The following NCF2 variants were observed in gnomAD, a reference collection of about 807,000 sequenced individuals.
The protein encoded by NCF2 is neutrophil cytosolic factor 2.
A neutral mutation model predicts 70.9 loss-of-function variants in NCF2; 45 were observed. The ratio of observed to expected loss-of-function variants is 0.63; its 90% CI spans 0.50 to 0.81. The LOEUF (loss-of-function observed/expected upper bound fraction) is 0.81, where lower values mean the gene tolerates loss of function less well. NCF2 is among the 40% of genes least tolerant of loss of function. The probability of loss-of-function intolerance (pLI) is 0.00; values close to 1 mark genes in which losing one functional copy is unlikely to be tolerated. For synonymous variants in NCF2, 203 were observed against 233.6 expected (o/e 0.87, Z 1.19); for missense variants, 522 against 631.6 (o/e 0.83, Z 1.86).
Position 183,573,297 on chromosome 1 carries a change from A to G in NCF2, c.502-5T>C, listed in dbSNP as rs1232453511. 6.2e-7 allele frequency: 1 copy of G among 1,612,004 alleles called. No individual in the cohort carries two copies. ...TGGCTCATATAGCTTCTGCTTCTGT[A>G]ACACAGAAAACGTAGCATTCCCTTA... is the stretch of plus-strand genomic sequence containing the variant. On this transcript the variant is annotated splice_polypyrimidine_tract_variant and splice_region_variant and intron_variant, in intron 4 of 14. Transcript: ENST00000367535.
chr1:183,577,229 A>T (rs769511127), intron 3 of NCF2, among the ~76,000 whole-genome samples: 62 of 152,224 alleles, frequency 4.1e-4, no homozygotes, highest in Non-Finnish European at 7.3e-4. Context: ...TGCTAGCAAA[A>T]TGCTGAACAA....
chr1:183,579,522 C>A (rs568560099), intron 2 of NCF2, among the ~76,000 whole-genome samples: 1 of 151,758 alleles, frequency 6.6e-6, no homozygotes, highest in Non-Finnish European at 1.5e-5. Context: ...GTCAGGAGAT[C>A]GAGACCATCC....
chr1:183,571,356 G>A (rs1672556175), intron 5 of NCF2, among the ~76,000 whole-genome samples: 1 of 152,024 alleles, frequency 6.6e-6, no homozygotes, highest in Admixed American at 6.6e-5. Flanking sequence ...GACCTCAGGT[G>A]ATCTACCCAT....
intron 14 of NCF2, among the ~76,000 whole-genome samples, chr1:183,556,551 C>A (rs1671791548): frequency 1.3e-5 from 2 of 152,182 alleles, no homozygotes; most frequent in Non-Finnish European, 2.9e-5. Context: ...CACCCCCAAC[C>A]TTGACAGGGT....
chr1:183,596,968 G>A, the NCF2 span, among the ~76,000 whole-genome samples: 1 of 152,148 alleles, frequency 6.6e-6, no homozygotes, highest in African/African-American at 2.4e-5. Context: ...TATCCAGCTA[G>A]CTATAAATAG....
intron 14 of NCF2, among the ~76,000 whole-genome samples, chr1:183,558,709 T>C (rs1340212988): frequency 6.6e-6 from 1 of 151,922 alleles, no homozygotes; most frequent in African/African-American, 2.4e-5. Flanking sequence ...GGACTACAGA[T>C]GTGCATCACC....
At chr1:183,568,667 A>G (rs887870981) in intron 7 of NCF2, among the ~76,000 whole-genome samples, 3 of 149,948 alleles carry the variant, frequency 2.0e-5, no homozygotes, top group Non-Finnish European at 4.4e-5. Flanking sequence ...ACACAGGAAA[A>G]AGGACGTCAT....
At chr1:183,576,317 C>G (rs543099087) in intron 3 of NCF2, among the ~76,000 whole-genome samples, 1 of 152,284 alleles carries the variant, frequency 6.6e-6, no homozygotes, top group Non-Finnish European at 1.5e-5. Context: ...AAACATTCCT[C>G]CCATGGAACT....
At chr1:183,567,022 A>G in intron 8 of NCF2, 34 bp from the exon 9 acceptor site, 1 of 1,613,852 alleles carries the variant, frequency 6.2e-7, no homozygotes, top group Middle Eastern at 1.6e-4. Flanking sequence ...AGAAAGGAAA[A>G]AATAAAGATG....
intron 1 of NCF2, among the ~76,000 whole-genome samples, chr1:183,589,915 T>C (rs979216573): frequency 6.6e-6 from 1 of 152,150 alleles, no homozygotes; most frequent in African/African-American, 2.4e-5. Context: ...GATTTTAATT[T>C]AGAAGATGGA....
chr1:183,576,727 G>A (rs191043773), intron 3 of NCF2, among the ~76,000 whole-genome samples: 1 of 152,292 alleles, frequency 6.6e-6, no homozygotes, highest in East Asian at 1.9e-4. Flanking sequence ...GGGGCCATAT[G>A]TCCCCAGGGG....
chr1:183,598,971 G>A, the NCF2 span, among the ~76,000 whole-genome samples: 2 of 152,226 alleles, frequency 1.3e-5, no homozygotes, highest in South Asian at 4.2e-4. Context: ...AAGACTTATG[G>A]GCTGAGCCCT....
chr1:183,597,846 A>C, the NCF2 span: 2 of 152,276 alleles, frequency 1.3e-5, no homozygotes, highest in African/African-American at 4.8e-5. Context: ...AAGAGTGGAC[A>C]TCTGTTAGGG....
intron 14 of NCF2, among the ~76,000 whole-genome samples, chr1:183,558,568 T>C (rs968590479): frequency 2.6e-5 from 4 of 151,078 alleles, no homozygotes; most frequent in Admixed American, 1.3e-4. Flanking sequence ...GCACCCGGCC[T>C]ATTTTTATTT....
intron 14 of NCF2, among the ~76,000 whole-genome samples, chr1:183,557,687 A>G (rs781271218): frequency 6.6e-6 from 1 of 152,142 alleles, no homozygotes; most frequent in Non-Finnish European, 1.5e-5. Flanking sequence ...TTCTCTCCAT[A>G]TCTACCCAAA....
chr1:183,590,444 GC>G lies in NCF2; in HGVS notation c.-116del. 1 of 1,139,848 alleles carries G rather than the reference GC, an allele frequency of 8.8e-7. No individual in the cohort carries two copies. The highest frequency in any genetic ancestry group is 1.5e-5 in the African/African-American group (1 of 65,660). The allele number at this position is 1,139,848 out of a possible 1,614,324, so 70.6% of individuals were successfully genotyped here. ...GGCCCCCAAGGTGTTCACTTTCTGG[GC>G]CAGATGAGTAGAATGGGGCCCAGCC... is the stretch of plus-strand genomic sequence containing the variant. On this transcript the variant is annotated 5_prime_UTR_variant, in exon 1 of 15. Coordinates refer to ENST00000367535, the MANE Select transcript of NCF2 (RefSeq NM_000433.4).
intron 10 of NCF2, among the ~76,000 whole-genome samples, chr1:183,565,420 C>T (rs1672258143): frequency 6.6e-6 from 1 of 152,142 alleles, no homozygotes; most frequent in African/African-American, 2.4e-5. Context: ...GTTTCCCTAC[C>T]TAATGATCAA....
intron 2 of NCF2, among the ~76,000 whole-genome samples, chr1:183,586,603 C>A (rs1332714196): frequency 1.3e-5 from 2 of 152,140 alleles, no homozygotes; most frequent in African/African-American, 4.8e-5. Context: ...GTGACCCCAT[C>A]AGGGACACTG....
chr1:183,581,897 T>G (rs909126334), intron 2 of NCF2, among the ~76,000 whole-genome samples: 37 of 152,004 alleles, frequency 2.4e-4, no homozygotes, highest in Admixed American at 5.2e-4. Flanking sequence ...TCGATCTCCT[T>G]ACCTCGTGAT....
Sources: allele counts gnomAD v4.1 joint callset (sites outside exome capture counted in the v4.1 genomes callset), GRCh38; gene constraint gnomAD v4.1.1; transcripts MANE v1.5; gene names NCBI Gene and HGNC (gene_info 2026-07-23, HGNC 2026-07-21).